Variants in PHF20 observed in about 807,000 individuals in gnomAD.
PHF20 encodes the protein glioma-expressed antigen 2.
A neutral mutation model predicts 113.5 loss-of-function variants in PHF20; 23 were observed. The observed-to-expected ratio is 0.20, with a 90% confidence interval of 0.15 to 0.29. The LOEUF is 0.29. Among genes scored for constraint, PHF20 ranks in the 10% least tolerant of loss-of-function variants. The probability of loss-of-function intolerance (pLI) is 1.00; values close to 1 mark genes in which losing one functional copy is unlikely to be tolerated. For missense variants in PHF20, 943 were observed against 1,219.6 expected (o/e 0.77, Z 3.38); for synonymous variants, 434 against 457.3 (o/e 0.95, Z 0.65).
At chr20:35,920,661 T>C (rs1282844422) in intron 13 of PHF20, among the ~76,000 whole-genome samples, 1 of 152,210 alleles carries the variant, frequency 6.6e-6, no homozygotes, top group African/African-American at 2.4e-5. Flanking sequence ...AAGAAAAATT[T>C]GTTTTTGAAA....
At chr20:35,921,355 A>C (rs1199976884) in intron 13 of PHF20, among the ~76,000 whole-genome samples, 5 of 151,980 alleles carry the variant, frequency 3.3e-5, no homozygotes, top group Non-Finnish European at 7.4e-5. Flanking sequence ...CTACCTTAAA[A>C]ACACACACAT....
chr20:35,878,824 T>C (rs2054576507), intron 9 of PHF20: 4 of 591,784 alleles, frequency 6.8e-6, no homozygotes, highest in Non-Finnish European at 1.2e-5. Context: ...GAAAATAAAC[T>C]AATTTGTATG....
chr20:35,947,341 TCCTCCCTTGCCCC>T, intron 17 of PHF20, 131 bp from the exon 18 acceptor site: 2 of 709,400 alleles, frequency 2.8e-6, no homozygotes, highest in Non-Finnish European at 4.5e-6. Context: ...AAATGGCCCT[TCCTCCCTTGCCCC>T]ATGGAGGCTG....
rs750638170 is a variant in PHF20 at position 35,914,021 on chromosome 20, C to G, written c.1661-12C>G. The G allele has an allele frequency of 8.1e-6, 13 of 1,613,602 alleles. No homozygotes were observed. Among genetic ancestry groups the G allele is most frequent in the Middle Eastern group, 3.3e-4 (2 of 6,084 alleles). ...TAGGGTTATTCATTCCTTCCTGATCCTGTTCTTCCAGAATGCCCCTGCAGT... is the reference window on the plus strand; with the variant it reads ...TAGGGTTATTCATTCCTTCCTGATCGTGTTCTTCCAGAATGCCCCTGCAGT... On this transcript the variant is annotated splice_polypyrimidine_tract_variant and intron_variant, in intron 11 of 17. Coordinates refer to ENST00000374012, the MANE Select transcript of PHF20 (RefSeq NM_016436.5).
intron 1 of PHF20, among the ~76,000 whole-genome samples, chr20:35,782,128 A>G (rs1333207103): frequency 6.6e-6 from 1 of 151,936 alleles, no homozygotes; most frequent in Non-Finnish European, 1.5e-5. Context: ...CCTTGGTTCC[A>G]TGGAGTATTG....
chr20:35,946,993 C>T (rs1445298353), intron 17 of PHF20, among the ~76,000 whole-genome samples: 1 of 152,194 alleles, frequency 6.6e-6, no homozygotes, highest in Non-Finnish European at 1.5e-5. Context: ...TAGGCATGTG[C>T]CACCGCGCCC....
chr20:35,791,094 T>C (rs2041536361), intron 1 of PHF20, among the ~76,000 whole-genome samples: 1 of 152,094 alleles, frequency 6.6e-6, no homozygotes, highest in African/African-American at 2.4e-5. Flanking sequence ...CCTGACCTTG[T>C]GATCCACCTG....
chr20:35,867,461 A>G (rs1184169128), intron 6 of PHF20, among the ~76,000 whole-genome samples: 1 of 152,046 alleles, frequency 6.6e-6, no homozygotes. Flanking sequence ...GGGTTTCACC[A>G]TGTTGGCTAT....
At chr20:35,777,893 A>G (rs1303555793) in intron 1 of PHF20, among the ~76,000 whole-genome samples, 1 of 152,180 alleles carries the variant, frequency 6.6e-6, no homozygotes, top group East Asian at 1.9e-4. Context: ...ATTTCAAATA[A>G]CTTAACAAAT....
At position 35,863,143 on chromosome 20, in the gene PHF20, C is replaced by A; in HGVS notation, c.551C>A (p.Pro184His). 1 of 1,613,576 alleles carries A rather than the reference C, an allele frequency of 6.2e-7. No individual in the cohort carries two copies. The highest frequency in any genetic ancestry group is 8.5e-7 in the Non-Finnish European group (1 of 1,179,848). ...GTGAAGAAAGACAAAGAAGATAAAC[C>A]CTTAAAGACAGAAAAGCGACCCAAG... ...VNVKKDKEDK[P>H]LKTEKRPKQP... The change falls in exon 6 of 18, where the codon CCC (proline) becomes CAC (histidine). Residue 184 changes from proline (P) to histidine (H), a missense_variant. By Grantham distance (77) the Pro-to-His change is moderately conservative. Around this residue, in one of 3 missense-constraint regions of PHF20, gnomAD observed 592 missense variants for 787.2 expected, o/e 0.75. Coordinates refer to ENST00000374012, the MANE Select transcript of PHF20 (RefSeq NM_016436.5).
chr20:35,797,655 C>CT (rs1183705992), intron 1 of PHF20, among the ~76,000 whole-genome samples: 1,796 of 137,490 alleles, frequency 0.013, 35 homozygotes, highest in East Asian at 0.084. Context: ...TGTTTTTTGG[C>CT]TTTTTTTTTT....
rs916210584 is a variant in PHF20, at chr20:35,948,751, A to G, written c.*1124A>G. The G allele has an allele frequency of 3.9e-5, 6 of 152,614 alleles. No individual in the cohort carries two copies. Among genetic ancestry groups the G allele is most frequent in the African/African-American group, 1.4e-4 (6 of 41,430 alleles). 9.5% of individuals were successfully genotyped at this position (152,614 alleles called of 1,614,324 possible). A position where few individuals can be genotyped will look rare whatever the true frequency, so the allele number is the denominator to read the frequency against. On this transcript the variant is annotated 3_prime_UTR_variant, in exon 18 of 18. Coordinates refer to ENST00000374012, the MANE Select transcript of PHF20 (RefSeq NM_016436.5). ...GGTTACGGTTCCACATGTAATTGCT[A>G]TATTTTGTTTTGTTTTTCCTTACTA...
At chr20:35,824,069 C>A (rs1004396446) in intron 2 of PHF20, among the ~76,000 whole-genome samples, 7 of 152,084 alleles carry the variant, frequency 4.6e-5, no homozygotes, top group African/African-American at 1.7e-4. Context: ...GTTATCATTT[C>A]TCTTGGATAA....
At chr20:35,929,722 T>G (rs1396805685) in intron 14 of PHF20, among the ~76,000 whole-genome samples, 1 of 152,264 alleles carries the variant, frequency 6.6e-6, no homozygotes, top group African/African-American at 2.4e-5. Context: ...TTACTGAACT[T>G]CTACGACTTT....
chr20:35,940,804 G>T, intron 16 of PHF20, 60 bp from the exon 17 acceptor site: 1 of 1,423,844 alleles, frequency 7.0e-7, no homozygotes, highest in South Asian at 1.3e-5. Flanking sequence ...ATGCTGGCTG[G>T]TTGAAAAATG....
chr20:35,923,626 C>A (rs1323624505), intron 13 of PHF20, among the ~76,000 whole-genome samples: 1 of 152,210 alleles, frequency 6.6e-6, no homozygotes, highest in Non-Finnish European at 1.5e-5. Context: ...AGAGTCAGCC[C>A]TTATCAGTTT....
intron 1 of PHF20, chr20:35,782,262 G>GTTTTTTTT (rs11480471): frequency 7.0e-6 from 1 of 143,488 alleles, no homozygotes; most frequent in Non-Finnish European, 1.5e-5. Flanking sequence ...TTCTTGTTTT[G>GTTTTTTTT]TTTTTTTTTT....
chr20:35,782,771 C>G (rs1405525319), intron 1 of PHF20, among the ~76,000 whole-genome samples: 1 of 152,212 alleles, frequency 6.6e-6, no homozygotes, highest in Non-Finnish European at 1.5e-5. Context: ...TCCAGCCTAG[C>G]AAGTTACTTA....
chr20:35,831,450 C>T (rs1018692585), intron 2 of PHF20, among the ~76,000 whole-genome samples: 1 of 152,140 alleles, frequency 6.6e-6, no homozygotes, highest in African/African-American at 2.4e-5. Context: ...TAGGCATGAG[C>T]CATTGTGCTG....
Sources: gnomAD v4.1 joint callset for allele counts (sites outside exome capture counted in the v4.1 genomes callset) on GRCh38, gnomAD v4.1.1 for gene constraint, gnomAD v4.1.1 regional missense constraint, MANE v1.5 for transcripts, NCBI Gene and HGNC (gene_info 2026-07-23, HGNC 2026-07-21) for gene names.